Variants in KCNH6 observed in about 807,000 individuals in gnomAD.
KCNH6 encodes the protein voltage-gated inwardly rectifying potassium channel KCNH6.
KCNH6 carries 81 observed loss-of-function variants against 83.4 expected under a neutral mutation model. That is an observed-to-expected ratio of 0.97 (90% CI 0.81 to 1.17). The LOEUF (loss-of-function observed/expected upper bound fraction) is 1.17, where lower values mean the gene tolerates loss of function less well. Ranked by LOEUF, KCNH6 falls within the 50% of genes most tolerant of loss-of-function variation. The pLI, the probability that KCNH6 is intolerant of heterozygous loss-of-function variation, is 0.00. For missense variants in KCNH6, 1,203 were observed against 1,290.5 expected, an observed-to-expected ratio of 0.93 and a Z score of 1.04; for synonymous variants, 503 against 545.6, an observed-to-expected ratio of 0.92 and a Z score of 1.09.
At position 63,543,561 on chromosome 17, in the gene KCNH6, C is replaced by G. The variant is rs1181582640; in HGVS notation, c.2149-15C>G. 1.9e-6 allele frequency: 3 copies of G among 1,585,518 alleles called. No individual in the cohort carries two copies. Among genetic ancestry groups the G allele is most frequent in the Non-Finnish European group, 2.6e-6 (3 of 1,154,266 alleles). On this transcript the variant is annotated splice_polypyrimidine_tract_variant and intron_variant, in intron 9 of 12. Coordinates refer to ENST00000314672, the MANE Select transcript of KCNH6 (RefSeq NM_001278919.2). ...GCTTTGGTTCCTGTTATTTCACCCT[C>G]TTGCTTCCCATAAGGCAGCCGGGGG...
At chr17:63,529,773 T>C (rs546382601) in intron 2 of KCNH6, among the ~76,000 whole-genome samples, 5 of 152,160 alleles carry the variant, frequency 3.3e-5, no homozygotes, top group Non-Finnish European at 7.3e-5. Context: ...CACCCCCATC[T>C]GCTCAGCTTT....
rs773704530 is a variant in KCNH6 at position 63,535,649 on chromosome 17, C to T, written c.1102-20C>T. The T allele has an allele frequency of 5.1e-6, 8 of 1,580,146 alleles. No homozygotes were observed. The South Asian group carries it at 9.3e-5, about 18-fold the overall frequency. On this transcript the variant is annotated intron_variant, in intron 5 of 12. Transcript: ENST00000314672. This position sits in a 1 kb window ranked among gnomAD's most constrained non-coding sequence, Gnocchi z 4.9. Reference sequence around the variant, plus strand: ...CCAAGGGCTGACCCCAGCCCTGTGACCATTTCCCTACCCCTCCAGACCACA... The same window carrying T: ...CCAAGGGCTGACCCCAGCCCTGTGATCATTTCCCTACCCCTCCAGACCACA...
intron 8 of KCNH6, among the ~76,000 whole-genome samples, chr17:63,540,243 C>G (rs998407262): frequency 6.6e-6 from 1 of 152,026 alleles, no homozygotes; most frequent in African/African-American, 2.4e-5. Flanking sequence ...ACCAACCTGG[C>G]CAAGATGATG....
rs2033096183 is a variant in KCNH6 at position 63,545,377 on chromosome 17, G to A, written c.2583+113G>A. 4 of 1,187,332 alleles carry A rather than the reference G, an allele frequency of 3.4e-6. No individual in the cohort carries two copies. The South Asian group carries it at 4.3e-5, about 13-fold the overall frequency. 73.5% of individuals were successfully genotyped at this position (1,187,332 alleles called of 1,614,324 possible). On this transcript the variant is annotated intron_variant, in intron 12 of 12. Transcript: ENST00000314672. The stretch of plus-strand genomic sequence containing the variant: ...CCAGAGCCTCTGTGGCCCCAGAGCA[G>A]CCAGGGCTTCTGCTTACCTCCTTTA...
At chr17:63,545,032 C>A (rs762109782) in intron 11 of KCNH6, 46 bp from the exon 12 acceptor site, 2 of 1,588,260 alleles carry the variant, frequency 1.3e-6, no homozygotes, top group Non-Finnish European at 1.7e-6. Context: ...CCCTCAGGAA[C>A]TACTTTTGCC....
Position 63,535,642 on chromosome 17 carries a change from C to T in KCNH6, c.1102-27C>T. 1.3e-6 allele frequency: 2 copies of T among 1,575,792 alleles called. No individual in the cohort carries two copies. The highest frequency in any genetic ancestry group is 8.6e-7 in the Non-Finnish European group (1 of 1,157,072). ...CACCCTTCCAAGGGCTGACCCCAGC[C>T]CTGTGACCATTTCCCTACCCCTCCA... is the stretch of plus-strand genomic sequence containing the variant. On this transcript the variant is annotated intron_variant, in intron 5 of 12. Transcript: ENST00000314672. The surrounding 1 kb of genome is among the most constrained non-coding windows in gnomAD (Gnocchi z 4.9).
At chr17:63,544,555 T>C (rs2147737720) in intron 11 of KCNH6, 144 bp downstream of exon 11, 1 of 643,126 alleles carries the variant, frequency 1.6e-6, no homozygotes, top group Non-Finnish European at 2.4e-6. Context: ...TTAAGCACAA[T>C]TCCCCCAATG....
At chr17:63,525,601 TGTGA>T (rs1163433617) in intron 2 of KCNH6, among the ~76,000 whole-genome samples, 3 of 152,076 alleles carry the variant, frequency 2.0e-5, no homozygotes, top group African/African-American at 7.2e-5. Context: ...TGCCTCTGTG[TGTGA>T]GTGTGTGCTT....
chr17:63,534,258 A>G lies in KCNH6; in HGVS notation c.1048A>G (p.Met350Val). 1.9e-6 allele frequency: 3 copies of G among 1,614,056 alleles called. No homozygotes were observed. The highest frequency in any genetic ancestry group is 2.2e-5 in the East Asian group (1 of 44,882). Residue 350 changes from methionine to valine, a missense_variant, in exon 5 of 13, where the codon ATG (methionine) becomes GTG (valine). Met to Val is a conservative substitution (Grantham distance 21, BLOSUM62 1). Coordinates refer to ENST00000314672, the MANE Select transcript of KCNH6 (RefSeq NM_001278919.2). This position sits in a 1 kb window ranked among gnomAD's most constrained non-coding sequence, Gnocchi z 5.0. ...HYFKGWFLID[M>V]VAAIPFDLLI... The stretch of plus-strand genomic sequence containing the variant: ...CTTCAAGGGCTGGTTCCTCATTGAC[A>G]TGGTGGCCGCCATCCCTTTCGACCT...
intron 6 of KCNH6, 67 bp downstream of exon 6, chr17:63,536,135 G>C (rs750024308): frequency 1.7e-5 from 24 of 1,380,252 alleles, no homozygotes; most frequent in Non-Finnish European, 2.1e-5. Flanking sequence ...TTTATGTGTA[G>C]TTTTGTACTG....
intron 2 of KCNH6, among the ~76,000 whole-genome samples, chr17:63,525,582 G>A (rs1258769017): frequency 1.3e-5 from 2 of 152,134 alleles, no homozygotes; most frequent in African/African-American, 4.8e-5. Context: ...GTGTGTGCTT[G>A]CATGTGTGTG....
rs767678557 is a variant in KCNH6 at position 63,538,369 on chromosome 17, C to T, written c.1702-41C>T. Reference sequence around the variant, plus strand: ...CTCACCACCCTCTCCCCCAGCCCCACCCCGGCCGCGTCCCGCTGGACTTGG... The same window carrying T: ...CTCACCACCCTCTCCCCCAGCCCCATCCCGGCCGCGTCCCGCTGGACTTGG... On this transcript the variant is annotated intron_variant, in intron 7 of 12. Coordinates refer to ENST00000314672, the MANE Select transcript of KCNH6 (RefSeq NM_001278919.2). The surrounding 1 kb of genome is among the most constrained non-coding windows in gnomAD (Gnocchi z 4.0). 6.3e-7 allele frequency: 1 copy of T among 1,590,136 alleles called. No individual in the cohort carries two copies. Among genetic ancestry groups the T allele is most frequent in the Admixed American group, 1.7e-5 (1 of 58,342 alleles).
rs760926041 is a variant in KCNH6 at position 63,524,350 on chromosome 17, C to A, written c.288C>A (p.Ile96=). The change falls in exon 2 of 13, where the codon ATC becomes ATA. Residue 96 remains isoleucine, a synonymous_variant. Transcript: ENST00000314672. The part of the protein sequence containing the change: ...LLGAEECKVD[I]LYYRKDASSF... ...GGGCTGAGGAGTGCAAGGTGGACAT[C>A]CTCTACTACCGCAAGGATGGTGAGG... 1.9e-5 allele frequency: 31 copies of A among 1,613,574 alleles called. No homozygotes were observed. The South Asian group carries it at 2.6e-4, about 14-fold the overall frequency.
Position 63,538,028 on chromosome 17 carries a change from G to C in KCNH6, c.1502-37G>C, listed in dbSNP as rs1265905941. 6.2e-7 allele frequency: 1 copy of C among 1,600,062 alleles called. No homozygotes were observed. Among genetic ancestry groups the C allele is most frequent in the Admixed American group, 1.7e-5 (1 of 59,512 alleles). On this transcript the variant is annotated intron_variant, in intron 6 of 12. Coordinates refer to ENST00000314672, the MANE Select transcript of KCNH6 (RefSeq NM_001278919.2). The surrounding 1 kb of genome is among the most constrained non-coding windows in gnomAD (Gnocchi z 4.0). ...AAGCCCTTGGTGGTGTGGCCCAGTGGGGCCGCGGAGGAGCTCACTCTCCGC... is the reference window on the plus strand; with the variant it reads ...AAGCCCTTGGTGGTGTGGCCCAGTGCGGCCGCGGAGGAGCTCACTCTCCGC...
chr17:63,543,909 G>A, intron 10 of KCNH6: 1 of 684,884 alleles, frequency 1.5e-6, no homozygotes, highest in South Asian at 1.9e-5. Flanking sequence ...GGTGTATGGA[G>A]ACTAGCCAGC....
chr17:63,534,189 A>C lies in KCNH6; in HGVS notation c.979A>C (p.Asn327His), dbSNP rs779018919. The stretch of plus-strand genomic sequence containing the variant: ...CTTCCGCACCACCTATGTCAACACC[A>C]ATGATGAGGTGGTCAGCCACCCCCG... The part of the protein sequence containing the change: ...INFRTTYVNT[N>H]DEVVSHPRRI... The change falls in exon 5 of 13, where the codon AAT becomes CAT. Residue 327 changes from asparagine (N) to histidine (H), a missense_variant. Coordinates refer to ENST00000314672, the MANE Select transcript of KCNH6 (RefSeq NM_001278919.2). The surrounding 1 kb of genome is among the most constrained non-coding windows in gnomAD (Gnocchi z 5.0). 1 of 1,611,896 alleles carries C rather than the reference A, an allele frequency of 6.2e-7. No individual in the cohort carries two copies. The highest frequency in any genetic ancestry group is 1.1e-5 in the South Asian group (1 of 90,996).
Position 63,533,898 on chromosome 17 carries a change from GGCGC to G in KCNH6, c.690_693del (p.Ala231MetfsTer128). 6.2e-7 allele frequency: 1 copy of G among 1,612,734 alleles called. No homozygotes were observed. The highest frequency in any genetic ancestry group is 1.7e-5 in the Admixed American group (1 of 59,958). On this transcript the variant is annotated frameshift_variant, in exon 5 of 13. Transcript: ENST00000314672. LOFTEE classifies it high-confidence loss of function. This position sits in a 1 kb window ranked among gnomAD's most constrained non-coding sequence, Gnocchi z 4.1. ...CCCCCACCCCCAGGTCCTGTCCCTG[GGCGC>G]GGATGTGCTGCCGGAGTACAAGCTG...
intron 8 of KCNH6, among the ~76,000 whole-genome samples, chr17:63,541,878 A>G (rs987325984): frequency 1.3e-5 from 2 of 152,188 alleles, no homozygotes; most frequent in African/African-American, 4.8e-5. Flanking sequence ...CTGGCAGGCC[A>G]AGCAGCAGGA....
Position 63,538,180 on chromosome 17 carries a change from C to T in KCNH6, c.1617C>T (p.His539=), listed in dbSNP as rs752541092. The part of the protein sequence containing the change: ...MLRVKEFIRF[H]QIPNPLRQRL... ...GTGTCAAGGAGTTCATCCGCTTCCACCAGATCCCCAACCCACTGCGCCAGC... is the reference window on the plus strand; with the variant it reads ...GTGTCAAGGAGTTCATCCGCTTCCATCAGATCCCCAACCCACTGCGCCAGC... Residue 539 remains histidine (H), a synonymous_variant, in exon 7 of 13, where the codon CAC becomes CAT. Coordinates refer to ENST00000314672, the MANE Select transcript of KCNH6 (RefSeq NM_001278919.2). This position sits in a 1 kb window ranked among gnomAD's most constrained non-coding sequence, Gnocchi z 4.0. The T allele has an allele frequency of 6.2e-7, 1 of 1,614,196 alleles. No homozygotes were observed. The highest frequency in any genetic ancestry group is 8.5e-7 in the Non-Finnish European group (1 of 1,179,994).
Sources: allele counts gnomAD v4.1 joint callset (sites outside exome capture counted in the v4.1 genomes callset), GRCh38; gene constraint gnomAD v4.1.1; non-coding constraint Gnocchi (gnomAD v3.1); transcripts MANE v1.5; gene names NCBI Gene and HGNC (gene_info 2026-07-23, HGNC 2026-07-21).